The following CRACD variants were observed in gnomAD, a reference collection of about 807,000 sequenced individuals.
CRACD encodes capping protein inhibiting regulator of actin dynamics, also known as capping protein-inhibiting regulator of actin dynamics.
In CRACD, 56 loss-of-function variants were observed where a neutral mutation model predicts 106.8. The observed-to-expected ratio is 0.52, with a 90% CI of 0.42 to 0.66. The LOEUF (loss-of-function observed/expected upper bound fraction) is 0.66, where lower values mean the gene tolerates loss of function less well. Ranked by LOEUF, CRACD falls within the 30% of genes least tolerant of loss-of-function variation. The pLI is 0.00. For synonymous variants in CRACD, 754 were observed against 670.8 expected, an observed-to-expected ratio of 1.12 and a Z score of -1.92; for missense variants, 1,730 against 1,623.2, an observed-to-expected ratio of 1.07 and a Z score of -1.13.
Position 56,314,648 on chromosome 4 carries a change from G to A in CRACD, c.1146G>A (p.Pro382=), listed in dbSNP as rs757799385. 5.2e-6 allele frequency: 8 copies of A among 1,544,906 alleles called. No homozygotes were observed. The highest frequency in any genetic ancestry group is 2.7e-5 in the African/African-American group (2 of 72,794). The part of the protein sequence containing the change: ...LEQQEAEVQG[P]PEALEETGEG... ...AGCAGGAGGCGGAGGTGCAGGGGCC[G>A]CCCGAGGCGTTGGAGGAGACTGGGG... The change falls in exon 8 of 11, where the codon CCG becomes CCA. Residue 382 remains proline (P), a synonymous_variant. Transcript: ENST00000682029. The surrounding 1 kb of genome is among the most constrained non-coding windows in gnomAD (Gnocchi z 4.4).
intron 2 of CRACD, among the ~76,000 whole-genome samples, chr4:56,243,417 A>T (rs1400870503): frequency 6.6e-6 from 1 of 152,200 alleles, no homozygotes; most frequent in African/African-American, 2.4e-5. Flanking sequence ...CAATGTAAGG[A>T]ATGTTAGAAG....
chr4:56,276,148 A>C lies in CRACD; in HGVS notation c.-17+3656A>C, dbSNP rs1245079481. 2.0e-5 allele frequency among the ~76,000 whole-genome samples: 3 copies of C among 152,158 alleles called. No individual in the cohort carries two copies. In the East Asian group the frequency reaches 5.8e-4, roughly 29 times the overall value. ...TGTAAATTATACATTCCTTGGGAAA[A>C]GCAAAGCAATAAAACATGATCCATT... is the stretch of plus-strand genomic sequence containing the variant. On this transcript the variant is annotated intron_variant, in intron 3 of 10. Transcript: ENST00000682029.
intron 1 of CRACD, among the ~76,000 whole-genome samples, chr4:56,122,665 A>G (rs1281084323): frequency 6.6e-6 from 1 of 152,132 alleles, no homozygotes; most frequent in Non-Finnish European, 1.5e-5. Flanking sequence ...GTCCTCAATA[A>G]CATCAGCAAT....
chr4:56,315,597 C>A lies in CRACD; in HGVS notation c.2095C>A (p.Pro699Thr), dbSNP rs780145063. The change falls in exon 8 of 11, where the codon CCC becomes ACC. Residue 699 changes from proline (P) to threonine (T), a missense_variant. Physicochemically the swap from Pro to Thr is conservative, Grantham distance 38. Coordinates refer to ENST00000682029, the MANE Select transcript of CRACD (RefSeq NM_001393381.1). The surrounding 1 kb of genome is among the most constrained non-coding windows in gnomAD (Gnocchi z 4.1). ...DQLRPGDESTPRGRCDSRGNQ... is the reference protein window; with the variant it reads ...DQLRPGDESTTRGRCDSRGNQ... ...GTTGAGGCCCGGTGATGAGTCCACT[C>A]CCAGGGGCCGGTGTGATTCCCGCGG... 1 of 1,614,114 alleles carries A rather than the reference C, an allele frequency of 6.2e-7. No homozygotes were observed. The highest frequency in any genetic ancestry group is 8.5e-7 in the Non-Finnish European group (1 of 1,180,008).
At chr4:56,266,143 T>TTAC (rs1281522438) in intron 2 of CRACD, among the ~76,000 whole-genome samples, 6 of 151,654 alleles carry the variant, frequency 4.0e-5, no homozygotes, top group Admixed American at 3.9e-4. Context: ...AAAATGAAAA[T>TTAC]TACTATGATC....
intron 1 of CRACD, among the ~76,000 whole-genome samples, chr4:56,071,660 C>A (rs1732651884): frequency 7.2e-5 from 11 of 152,006 alleles, no homozygotes; most frequent in Admixed American, 7.2e-4. Flanking sequence ...CAGATGTGTG[C>A]CACCACGTCC....
rs111637436 is a variant in CRACD, at chr4:56,314,759, C to T, written c.1257C>T (p.Leu419=). ...QAHLEDWRGQ[L]SELLNDFEER... is the part of the protein sequence containing the mutation. ...ACCTGGAGGACTGGAGGGGGCAGCT[C>T]AGTGAGCTTCTGAACGACTTTGAGG... Residue 419 remains leucine (L), a synonymous_variant, in exon 8 of 11, where the codon CTC becomes CTT. Transcript: ENST00000682029. This position sits in a 1 kb window ranked among gnomAD's most constrained non-coding sequence, Gnocchi z 4.4. The T allele has an allele frequency of 6.3e-6, 10 of 1,589,770 alleles. No homozygotes were observed. The African/African-American group carries it at 6.7e-5, about 11-fold the overall frequency.
chr4:56,188,192 A>T (rs34156343), intron 2 of CRACD, among the ~76,000 whole-genome samples: 37,191 of 152,160 alleles, frequency 0.24, 5,676 homozygotes, highest in Non-Finnish European at 0.33. Context: ...AAGGACTTGG[A>T]TATGTATATG....
intron 3 of CRACD, among the ~76,000 whole-genome samples, chr4:56,285,709 G>A (rs1233310888): frequency 6.6e-6 from 1 of 152,160 alleles, no homozygotes; most frequent in Non-Finnish European, 1.5e-5. Context: ...GTCTCCCAAA[G>A]CACTAGGATT....
intron 6 of CRACD, among the ~76,000 whole-genome samples, chr4:56,312,724 G>T (rs997876657): frequency 2.6e-5 from 4 of 152,098 alleles, no homozygotes; most frequent in Admixed American, 2.6e-4. Context: ...TAGGCCAGGG[G>T]TCAGCAAACT....
At chr4:56,320,145 C>CA (rs11386476) in intron 8 of CRACD, among the ~76,000 whole-genome samples, 69,166 of 144,976 alleles carry the variant, frequency 0.48, 16,171 homozygotes, top group Non-Finnish European at 0.49. Flanking sequence ...ACTCCAGCCT[C>CA]AAAAAAAAAA....
intron 1 of CRACD, among the ~76,000 whole-genome samples, chr4:56,063,834 G>C (rs1002804192): frequency 2.6e-5 from 4 of 152,150 alleles, no homozygotes; most frequent in African/African-American, 9.7e-5. Context: ...TCTGAGTTCT[G>C]CTTTCTATCC....
intron 1 of CRACD, among the ~76,000 whole-genome samples, chr4:56,177,413 T>C (rs1374517943): frequency 6.6e-6 from 1 of 152,226 alleles, no homozygotes; most frequent in African/African-American, 2.4e-5. Flanking sequence ...GAATCCCACC[T>C]GATCATGGTA....
At position 56,091,320 on chromosome 4, in the gene CRACD, C is replaced by G. The variant is rs1249545125; in HGVS notation, c.-336+42021C>G. On this transcript the variant is annotated intron_variant, in intron 1 of 10. Transcript: ENST00000682029. Reference sequence around the variant, plus strand: ...ATTTCAGACACCCAGAGTGCTGTGTCCTGGGATTTTAGACCTAAGCCATTG... The same window carrying G: ...ATTTCAGACACCCAGAGTGCTGTGTGCTGGGATTTTAGACCTAAGCCATTG... 2.0e-5 allele frequency among the ~76,000 whole-genome samples: 3 copies of G among 151,620 alleles called. 1 individual carries two copies. The highest frequency in any genetic ancestry group is 2.0e-4 in the Admixed American group (3 of 15,234).
At chr4:56,059,097 C>G (rs1486975873) in intron 1 of CRACD, among the ~76,000 whole-genome samples, 1 of 152,040 alleles carries the variant, frequency 6.6e-6, no homozygotes. Flanking sequence ...GAATGGTTAC[C>G]TTCAAGCAGG....
intron 1 of CRACD, among the ~76,000 whole-genome samples, chr4:56,052,719 T>G (rs1259373972): frequency 6.6e-6 from 1 of 152,238 alleles, no homozygotes; most frequent in African/African-American, 2.4e-5. Flanking sequence ...TTTATTAACT[T>G]GCCCAAGGTC....
intron 1 of CRACD, among the ~76,000 whole-genome samples, chr4:56,120,025 A>G: frequency 6.6e-6 from 1 of 152,050 alleles, no homozygotes; most frequent in Non-Finnish European, 1.5e-5. Context: ...TGATTTCAGG[A>G]TTTTGTGATG....
rs771973670 is a variant in CRACD at position 56,323,375 on chromosome 4, A to T, written c.3188-2A>T. ...AACCGTTCTTTGTCTTATTCCCCAC[A>T]GAGAAGCCGATGCTTCAGAGCAGAC... is the stretch of plus-strand genomic sequence containing the variant. On this transcript the variant is annotated splice_acceptor_variant, in intron 8 of 10. Transcript: ENST00000682029. LOFTEE classifies it high-confidence loss of function. 6.3e-7 allele frequency: 1 copy of T among 1,593,722 alleles called. No individual in the cohort carries two copies.
At chr4:56,143,764 A>G (rs1735284528) in intron 1 of CRACD, among the ~76,000 whole-genome samples, 1 of 152,160 alleles carries the variant, frequency 6.6e-6, no homozygotes, top group African/African-American at 2.4e-5. Flanking sequence ...TGTCAATGTT[A>G]TACTTCATTC....
Sources: gnomAD v4.1 joint callset for allele counts (sites outside exome capture counted in the v4.1 genomes callset) on GRCh38, gnomAD v4.1.1 for gene constraint, Gnocchi (gnomAD v3.1) non-coding constraint, MANE v1.5 for transcripts, NCBI Gene and HGNC (gene_info 2026-07-23, HGNC 2026-07-21) for gene names.